Variants in MAD1L1 observed in about 807,000 individuals in gnomAD.
The protein encoded by MAD1L1 is mitotic arrest deficient 1 like 1, also known as mitotic spindle assembly checkpoint protein MAD1.
MAD1L1 carries 95 observed loss-of-function variants against 96.9 expected under a neutral mutation model. The observed-to-expected ratio is 0.98, with a 90% CI of 0.83 to 1.16. The LOEUF is 1.16. Among genes scored for constraint, MAD1L1 ranks in the 50% most tolerant of loss-of-function variants. The pLI, the probability that MAD1L1 is intolerant of heterozygous loss-of-function variation, is 0.00. For synonymous variants in MAD1L1, 473 were observed against 396.6 expected, an observed-to-expected ratio of 1.19 and a Z score of -2.29; for missense variants, 1,007 against 954.4, an observed-to-expected ratio of 1.06 and a Z score of -0.73.
At chr7:1,982,402 T>A (rs189459646) in intron 14 of MAD1L1, among the ~76,000 whole-genome samples, 1 of 152,070 alleles carries the variant, frequency 6.6e-6, no homozygotes, top group African/African-American at 2.4e-5. Flanking sequence ...AGAGACGGGG[T>A]TTCACCATGT....
intron 18 of MAD1L1, among the ~76,000 whole-genome samples, chr7:1,856,423 G>T (rs898081879): frequency 3.3e-5 from 5 of 152,210 alleles, no homozygotes; most frequent in Non-Finnish European, 7.3e-5. Flanking sequence ...AGCGGCCCCT[G>T]CCGGGGTTGG....
rs149170191 is a variant in MAD1L1, at chr7:1,985,835, C to T, written c.1417-5294G>A. Among the ~76,000 whole-genome samples the T allele has an allele frequency of 4.6e-5, 7 of 152,300 alleles. No homozygotes were observed. In the East Asian group the frequency reaches 1.4e-3, roughly 29 times the overall value. On this transcript the variant is annotated intron_variant, in intron 14 of 18. Transcript: ENST00000265854. ...TGCTCTGAGACCCTCCGGGTCCTGT[C>T]TCATGCAACCCCCGGCCTCACCGTC...
Position 1,968,877 on chromosome 7 carries a change from C to T in MAD1L1, c.1506-11158G>A, listed in dbSNP as rs116667903. ...AGAGATGTGACGACTAAAATCAACA[C>T]GGTGCCCTGGCTGCAACATGCAGGA... On this transcript the variant is annotated intron_variant, in intron 15 of 18. Coordinates refer to ENST00000265854, the MANE Select transcript of MAD1L1 (RefSeq NM_001013836.2). The surrounding 1 kb of genome is among the most constrained non-coding windows in gnomAD (Gnocchi z 5.6). Among the ~76,000 whole-genome samples, 1,919 of 152,310 alleles carry T rather than the reference C, an allele frequency of 0.013. 33 individuals carry two copies. Among genetic ancestry groups the T allele is most frequent in the African/African-American group, 0.043 (1,805 of 41,548 alleles).
intron 17 of MAD1L1, among the ~76,000 whole-genome samples, chr7:1,917,467 C>A (rs1043428649): frequency 6.6e-6 from 1 of 152,182 alleles, no homozygotes; most frequent in African/African-American, 2.4e-5. Flanking sequence ...GCAGCGCCGC[C>A]CCTCTCCGCC....
At chr7:1,954,254 C>G (rs569274442) in intron 16 of MAD1L1, among the ~76,000 whole-genome samples, 4 of 152,298 alleles carry the variant, frequency 2.6e-5, no homozygotes, top group African/African-American at 7.2e-5. Flanking sequence ...CACCGGAGAT[C>G]TCCAAAGACA....
At chr7:2,107,747 A>G (rs1373338308) in intron 11 of MAD1L1, 1 of 152,276 alleles carries the variant, frequency 6.6e-6, no homozygotes, top group African/African-American at 2.4e-5. Context: ...CAGTGCTTTC[A>G]ATAATTTCAA....
At chr7:1,942,443 G>C (rs1344030753) in intron 16 of MAD1L1, among the ~76,000 whole-genome samples, 1 of 152,206 alleles carries the variant, frequency 6.6e-6, no homozygotes, top group Non-Finnish European at 1.5e-5. Context: ...CGGAGCCCGC[G>C]CGCCACACAT....
chr7:2,098,490 C>T (rs983200473), intron 11 of MAD1L1, among the ~76,000 whole-genome samples: 1 of 152,164 alleles, frequency 6.6e-6, no homozygotes, highest in African/African-American at 2.4e-5. Context: ...CCTGGGGTCC[C>T]ACCAACCATG....
intron 11 of MAD1L1, among the ~76,000 whole-genome samples, chr7:2,121,139 C>T (rs144431702): frequency 6.6e-6 from 1 of 152,264 alleles, no homozygotes; most frequent in Non-Finnish European, 1.5e-5. Context: ...TTCACCAGGA[C>T]GAGCTGGACC....
intron 17 of MAD1L1, among the ~76,000 whole-genome samples, chr7:1,921,672 T>A (rs1423779626): frequency 6.6e-6 from 1 of 151,990 alleles, no homozygotes; most frequent in Non-Finnish European, 1.5e-5. Context: ...AAGAAAACCT[T>A]TAAGTCAAAA....
At chr7:1,926,046 A>G (rs569286649) in intron 17 of MAD1L1, among the ~76,000 whole-genome samples, 2 of 152,322 alleles carry the variant, frequency 1.3e-5, no homozygotes, top group Admixed American at 1.3e-4. Flanking sequence ...AAAAAAAGAC[A>G]TAAACGACCA....
intron 11 of MAD1L1, among the ~76,000 whole-genome samples, chr7:2,078,925 C>T (rs1027598717): frequency 6.6e-6 from 1 of 152,256 alleles, no homozygotes; most frequent in African/African-American, 2.4e-5. Context: ...GTCTCCAGGG[C>T]CGTGCCTTGG....
At chr7:1,938,800 G>C (rs1778758693) in intron 16 of MAD1L1, among the ~76,000 whole-genome samples, 1 of 136,756 alleles carries the variant, frequency 7.3e-6, no homozygotes. Flanking sequence ...ACTGGGACCA[G>C]AGGCGCACAC....
At chr7:1,850,362 CCT>C (rs1305409348) in intron 18 of MAD1L1, among the ~76,000 whole-genome samples, 2 of 152,216 alleles carry the variant, frequency 1.3e-5, no homozygotes, top group Non-Finnish European at 2.9e-5. Context: ...GAACTCACCC[CCT>C]GCCACCTCTG....
At chr7:1,913,581 G>A (rs1041928655) in intron 17 of MAD1L1, among the ~76,000 whole-genome samples, 13 of 152,132 alleles carry the variant, frequency 8.5e-5, no homozygotes, top group Non-Finnish European at 1.8e-4. Flanking sequence ...AGCAACCTGG[G>A]ACCTCGCAGG....
intron 18 of MAD1L1, among the ~76,000 whole-genome samples, chr7:1,852,895 G>T (rs897990620): frequency 6.6e-6 from 1 of 152,166 alleles, no homozygotes; most frequent in Non-Finnish European, 1.5e-5. Context: ...TCCGAGGACG[G>T]GCCGCTGTCC....
At chr7:1,941,397 G>A (rs895825131) in intron 16 of MAD1L1, among the ~76,000 whole-genome samples, 1 of 152,172 alleles carries the variant, frequency 6.6e-6, no homozygotes, top group African/African-American at 2.4e-5. Flanking sequence ...TATATTAGAG[G>A]ATTTAAGGAC....
intron 17 of MAD1L1, among the ~76,000 whole-genome samples, chr7:1,922,708 C>T (rs527750282): frequency 7.2e-4 from 109 of 152,320 alleles, no homozygotes; most frequent in Non-Finnish European, 1.2e-3. Context: ...CTGCCTGAGT[C>T]GGCGTTTCCC....
At chr7:1,881,981 T>G (rs924250362) in intron 18 of MAD1L1, among the ~76,000 whole-genome samples, 1 of 152,162 alleles carries the variant, frequency 6.6e-6, no homozygotes, top group Admixed American at 6.5e-5. Flanking sequence ...CCCGTGTCCT[T>G]GGGCCCCACA....
Sources: gnomAD v4.1 joint callset for allele counts (sites outside exome capture counted in the v4.1 genomes callset) on GRCh38, gnomAD v4.1.1 for gene constraint, Gnocchi (gnomAD v3.1) non-coding constraint, MANE v1.5 for transcripts, NCBI Gene and HGNC (gene_info 2026-07-23, HGNC 2026-07-21) for gene names.